CEP112: variants seen among roughly 807,000 people sequenced by gnomAD.
CEP112 encodes centrosomal protein of 112 kDa.
CEP112 carries 127 observed loss-of-function variants against 153.0 expected under a neutral mutation model. The ratio of observed to expected loss-of-function variants is 0.83; its 90% confidence interval spans 0.72 to 0.96. CEP112 has a LOEUF of 0.96. CEP112 is among the 40% of genes least tolerant of loss of function. The pLI, the probability that CEP112 is intolerant of heterozygous loss-of-function variation, is 0.00. For synonymous variants in CEP112, 358 were observed against 374.4 expected (o/e 0.96, Z 0.51); for missense variants, 1,089 against 1,101.2 (o/e 0.99, Z 0.16).
At chr17:66,083,716 T>A (rs2067811287) in intron 8 of CEP112, among the ~76,000 whole-genome samples, 1 of 151,956 alleles carries the variant, frequency 6.6e-6, no homozygotes, top group African/African-American at 2.4e-5. Context: ...CCAGGCGTGG[T>A]GGTGAGTGCC....
At chr17:65,709,735 G>A (rs1487289449) in intron 23 of CEP112, among the ~76,000 whole-genome samples, 3 of 152,180 alleles carry the variant, frequency 2.0e-5, no homozygotes, top group Non-Finnish European at 4.4e-5. Flanking sequence ...TCCACATTGA[G>A]CGGCATTATA....
At chr17:65,954,147 A>G (rs905684144) in intron 18 of CEP112, among the ~76,000 whole-genome samples, 3 of 152,180 alleles carry the variant, frequency 2.0e-5, no homozygotes, top group Non-Finnish European at 4.4e-5. Context: ...ATCCATGGCT[A>G]CAAGACGTAA....
At chr17:66,057,470 C>A (rs900247974) in intron 11 of CEP112, among the ~76,000 whole-genome samples, 1 of 151,748 alleles carries the variant, frequency 6.6e-6, no homozygotes, top group South Asian at 2.1e-4. Flanking sequence ...TAGCAACAAA[C>A]GAAGAAGATG....
intron 17 of CEP112, among the ~76,000 whole-genome samples, chr17:65,969,896 T>C (rs904719601): frequency 3.9e-5 from 6 of 152,222 alleles, no homozygotes; most frequent in African/African-American, 1.4e-4. Flanking sequence ...ACATGCATGC[T>C]TAACACATGC....
intron 24 of CEP112, among the ~76,000 whole-genome samples, chr17:65,681,402 C>T (rs927312600): frequency 1.3e-5 from 2 of 151,884 alleles, no homozygotes; most frequent in African/African-American, 4.8e-5. Context: ...TCAATATTAT[C>T]CACACATTCT....
chr17:65,968,031 C>A (rs1299786071), intron 17 of CEP112, among the ~76,000 whole-genome samples: 2 of 151,972 alleles, frequency 1.3e-5, no homozygotes, highest in Non-Finnish European at 2.9e-5. Context: ...AAATTGTACA[C>A]CATATATGCA....
intron 21 of CEP112, among the ~76,000 whole-genome samples, chr17:65,765,481 T>G (rs1186285289): frequency 2.0e-5 from 3 of 152,212 alleles, no homozygotes; most frequent in Non-Finnish European, 4.4e-5. Flanking sequence ...AATGATTTTT[T>G]TCTACAATAT....
chr17:65,772,795 C>T (rs2024275), intron 21 of CEP112, among the ~76,000 whole-genome samples: 72,885 of 151,612 alleles, frequency 0.48, 19,196 homozygotes, highest in East Asian at 0.78. Context: ...TAATAAGTGT[C>T]ATGAAAGAGA....
intron 8 of CEP112, among the ~76,000 whole-genome samples, chr17:66,085,352 T>C (rs1484572419): frequency 2.0e-5 from 3 of 152,184 alleles, no homozygotes; most frequent in African/African-American, 7.2e-5. Flanking sequence ...TACACTCCCA[T>C]GCCTGCAGCC....
At chr17:66,155,003 C>G (rs12942809) in intron 4 of CEP112, among the ~76,000 whole-genome samples, 19,165 of 152,182 alleles carry the variant, frequency 0.13, 1,641 homozygotes, top group Non-Finnish European at 0.19. Context: ...CCCTCTCTCT[C>G]TCTCTTCTCA....
chr17:65,650,896 T>TC (rs1206669481), intron 24 of CEP112, among the ~76,000 whole-genome samples: 2 of 151,820 alleles, frequency 1.3e-5, no homozygotes, highest in Non-Finnish European at 2.9e-5. Flanking sequence ...TCTCTCGCTC[T>TC]CTTTTTTTTC....
At chr17:65,644,248 C>G in intron 24 of CEP112, 1 of 620,340 alleles carries the variant, frequency 1.6e-6, no homozygotes, top group Non-Finnish European at 2.9e-6. Context: ...CTGTTTCTTA[C>G]ATCCTTATCT....
intron 9 of CEP112, among the ~76,000 whole-genome samples, chr17:66,067,801 A>G (rs758629241): frequency 1.3e-5 from 2 of 152,204 alleles, no homozygotes; most frequent in Non-Finnish European, 2.9e-5. Context: ...AAGCTGTCAT[A>G]AAGTGGCAGA....
At chr17:66,147,439 T>C (rs1407593455) in intron 4 of CEP112, among the ~76,000 whole-genome samples, 1 of 152,192 alleles carries the variant, frequency 6.6e-6, no homozygotes, top group Non-Finnish European at 1.5e-5. Flanking sequence ...TTCCATTCCA[T>C]TGACTGCTTT....
Position 66,053,911 on chromosome 17 carries a change from A to G in CEP112, c.1075-32T>C. 3 of 1,575,888 alleles carry G rather than the reference A, an allele frequency of 1.9e-6. No homozygotes were observed. In the East Asian group the frequency reaches 6.8e-5, roughly 36 times the overall value. On this transcript the variant is annotated intron_variant, in intron 11 of 26. Transcript: ENST00000535342. ...CAGGAAATCAAGAGTTGACTCTTTT[A>G]CTACTATGGAATTGACTATTTTGTA...
At chr17:66,139,061 T>G (rs917323043) in intron 4 of CEP112, among the ~76,000 whole-genome samples, 2 of 151,768 alleles carry the variant, frequency 1.3e-5, no homozygotes, top group Non-Finnish European at 2.9e-5. Flanking sequence ...ATGCACACCT[T>G]AAGGAACTAA....
At chr17:66,069,339 A>G (rs1157996235) in intron 9 of CEP112, among the ~76,000 whole-genome samples, 2 of 152,072 alleles carry the variant, frequency 1.3e-5, no homozygotes, top group African/African-American at 4.8e-5. Flanking sequence ...CCCATATAGG[A>G]TAACCATAAT....
intron 6 of CEP112, among the ~76,000 whole-genome samples, chr17:66,115,373 T>C (rs772943807): frequency 3.0e-4 from 46 of 152,226 alleles, no homozygotes; most frequent in Non-Finnish European, 2.8e-4. Flanking sequence ...CAAAACTTCA[T>C]GGCTTGAAAC....
intron 12 of CEP112, among the ~76,000 whole-genome samples, chr17:66,049,690 G>A (rs754927576): frequency 6.6e-6 from 1 of 152,228 alleles, no homozygotes; most frequent in African/African-American, 2.4e-5. Context: ...GGTGGAGGCT[G>A]CAGTGAGCTG....
Sources: allele counts gnomAD v4.1 joint callset (sites outside exome capture counted in the v4.1 genomes callset), GRCh38; gene constraint gnomAD v4.1.1; transcripts MANE v1.5; gene names NCBI Gene and HGNC (gene_info 2026-07-23, HGNC 2026-07-21).